The following CIZ1 variants were observed in gnomAD, a reference collection of about 807,000 sequenced individuals.
CIZ1 encodes CDKN1A interacting zinc finger protein 1.
CIZ1 carries 58 observed loss-of-function variants against 118.6 expected under a neutral mutation model. The observed-to-expected ratio is 0.49, with a 90% CI of 0.40 to 0.61. The LOEUF is 0.61. Ranked by LOEUF, CIZ1 falls within the 20% of genes least tolerant of loss-of-function variation. CIZ1 has a pLI of 0.00. For synonymous variants in CIZ1, 448 were observed against 443.4 expected, an observed-to-expected ratio of 1.01 and a Z score of -0.13; for missense variants, 921 against 1,115.9, an observed-to-expected ratio of 0.83 and a Z score of 2.49.
At chr9:128,176,102 A>C (rs1462215275) in intron 11 of CIZ1, among the ~76,000 whole-genome samples, 14 of 152,198 alleles carry the variant, frequency 9.2e-5, no homozygotes, top group Admixed American at 8.5e-4. Context: ...TCCCACAGGG[A>C]TGGTCATACT....
At chr9:128,173,992 C>G (rs967798014) in intron 11 of CIZ1, among the ~76,000 whole-genome samples, 1 of 149,124 alleles carries the variant, frequency 6.7e-6, no homozygotes, top group Non-Finnish European at 1.5e-5. Context: ...GGTGACAGAG[C>G]GAGACTCCAT....
rs986129698 is a variant in CIZ1, at chr9:128,203,480, C to T, written c.-6+706G>A. 1 of 1,511,432 alleles carries T rather than the reference C, an allele frequency of 6.6e-7. No homozygotes were observed. Among genetic ancestry groups the T allele is most frequent in the African/African-American group, 1.4e-5 (1 of 69,552 alleles). The allele number at this position is 1,511,432 out of a possible 1,614,324, so 93.6% of individuals were successfully genotyped here. On this transcript the variant is annotated intron_variant, in intron 1 of 17. Coordinates refer to the CIZ1 transcript ENST00000372948. This position sits in a 1 kb window ranked among gnomAD's most constrained non-coding sequence, Gnocchi z 5.3. ...GGGGCCCGCCGCAGCCATGGGCAAC[C>T]GCGGCATGGAAGATCTCATCCCGCT...
At chr9:128,191,931 G>A (rs1330887746), upstream of CIZ1, 2 of 1,432,766 alleles carry the variant, frequency 1.4e-6, no homozygotes, top group South Asian at 1.4e-5. This position sits in a 1 kb window ranked among gnomAD's most constrained non-coding sequence, Gnocchi z 5.5. Flanking sequence ...GCAGTTGGCG[G>A]ATGTACATTC....
At chr9:128,195,250 C>T (rs1264625823), upstream of CIZ1, among the ~76,000 whole-genome samples, 7 of 152,172 alleles carry the variant, frequency 4.6e-5, no homozygotes, top group African/African-American at 1.7e-4. Context: ...GATAAACACC[C>T]ACAATATGAT....
Position 128,166,726 on chromosome 9 carries a change from C to T in CIZ1, c.2487+33G>A. 3 of 1,613,920 alleles carry T rather than the reference C, an allele frequency of 1.9e-6. No individual in the cohort carries two copies. Among genetic ancestry groups the T allele is most frequent in the East Asian group, 2.2e-5 (1 of 44,880 alleles). Reference sequence around the variant, plus strand: ...GCTTGGATTAAGACTAAGTCTGTGGCCAGGGGAGGACAGGGCAGGATGTCC... The same window carrying T: ...GCTTGGATTAAGACTAAGTCTGTGGTCAGGGGAGGACAGGGCAGGATGTCC... On this transcript the variant is annotated intron_variant, in intron 16 of 16. Transcript: ENST00000372938. The surrounding 1 kb of genome is among the most constrained non-coding windows in gnomAD (Gnocchi z 4.4).
intron 5 of CIZ1, among the ~76,000 whole-genome samples, chr9:128,182,448 G>C (rs998559166): frequency 9.9e-5 from 15 of 152,122 alleles, no homozygotes; most frequent in Admixed American, 2.0e-4. Context: ...GCCCAGTGGG[G>C]TCCTTCTAAA....
In CIZ1 at chr9:128,187,846, TA is replaced by T; in HGVS notation, c.358+16del. ...GTATATATACATTTATATATATATATAAAAAGCATATAATACCCAGTGTTGC... is the reference window on the plus strand; with the variant it reads ...GTATATATACATTTATATATATATATAAAAGCATATAATACCCAGTGTTGC... On this transcript the variant is annotated intron_variant, in intron 4 of 16. Transcript: ENST00000372938. 1 of 655,426 alleles carries T rather than the reference TA, an allele frequency of 1.5e-6. No individual in the cohort carries two copies. The highest frequency in any genetic ancestry group is 2.8e-6 in the Non-Finnish European group (1 of 353,856). The allele number at this position is 655,426 out of a possible 1,614,324, so 40.6% of individuals were successfully genotyped here. A position where few individuals can be genotyped will look rare whatever the true frequency, so the allele number is the denominator to read the frequency against.
chr9:128,166,489 G>T lies in CIZ1; in HGVS notation c.2488-83C>A. The T allele has an allele frequency of 8.4e-7, 1 of 1,197,126 alleles. No homozygotes were observed. Among genetic ancestry groups the T allele is most frequent in the Non-Finnish European group, 1.2e-6 (1 of 858,256 alleles). 74.2% of individuals were successfully genotyped at this position (1,197,126 alleles called of 1,614,324 possible). On this transcript the variant is annotated intron_variant, in intron 16 of 16. Transcript: ENST00000372938. The surrounding 1 kb of genome is among the most constrained non-coding windows in gnomAD (Gnocchi z 4.4). Reference sequence around the variant, plus strand: ...GCCAGCAGCTACTTCCCCAGCTCTGGCTGAGACAGTATTAGTGTGCTCTGT... The same window carrying T: ...GCCAGCAGCTACTTCCCCAGCTCTGTCTGAGACAGTATTAGTGTGCTCTGT...
chr9:128,189,931 T>C (rs769461090), intron 3 of CIZ1, among the ~76,000 whole-genome samples: 4 of 148,976 alleles, frequency 2.7e-5, no homozygotes, highest in Non-Finnish European at 4.4e-5. Flanking sequence ...ACAGACTTAA[T>C]GCACAGGGCT....
Position 128,180,473 on chromosome 9 carries a change from G to A in CIZ1, c.733C>T (p.Pro245Ser), listed in dbSNP as rs755136926. The A allele has an allele frequency of 3.1e-6, 5 of 1,614,076 alleles. No individual in the cohort carries two copies. The highest frequency in any genetic ancestry group is 1.7e-5 in the Admixed American group (1 of 60,008). Residue 245 changes from proline (P) to serine (S), a missense_variant, in exon 7 of 17, where the codon CCA becomes TCA. Coordinates refer to ENST00000372938, the MANE Select transcript of CIZ1 (RefSeq NM_001131016.2). ...PEDIAKEKRTPAPEPEPCEAS... is the reference protein window; with the variant it reads ...PEDIAKEKRTSAPEPEPCEAS... ...TCACAAGGCTCAGGCTCAGGTGCTG[G>A]AGTGCGTTTTTCCTTGGCGATGTCC...
intron 1 of CIZ1, among the ~76,000 whole-genome samples, chr9:128,200,675 G>GA (rs1833491064): frequency 7.0e-6 from 1 of 143,796 alleles, no homozygotes; most frequent in South Asian, 2.2e-4. Context: ...AAAAAAGAAA[G>GA]AAATACAAAA....
At chr9:128,183,748 TTTTGTTTGTTTG>T (rs45518031) in intron 5 of CIZ1, among the ~76,000 whole-genome samples, 127 of 150,988 alleles carry the variant, frequency 8.4e-4, no homozygotes, top group African/African-American at 8.7e-4. Flanking sequence ...TTTCCTATAC[TTTTGTTTGTTTG>T]TTTGTTTGTT....
intron 11 of CIZ1, among the ~76,000 whole-genome samples, chr9:128,175,956 A>C (rs1438900850): frequency 6.6e-6 from 1 of 152,166 alleles, no homozygotes; most frequent in Non-Finnish European, 1.5e-5. Context: ...ACAGGCTCCC[A>C]TGACAATGAA....
chr9:128,189,009 G>A (rs1016206460), intron 3 of CIZ1, among the ~76,000 whole-genome samples: 2 of 152,104 alleles, frequency 1.3e-5, no homozygotes, highest in African/African-American at 4.8e-5. Flanking sequence ...ATGTTGGCCA[G>A]GATGGTCTCG....
chr9:128,171,029 G>A (rs1223580810), intron 11 of CIZ1, among the ~76,000 whole-genome samples: 1 of 152,102 alleles, frequency 6.6e-6, no homozygotes, highest in African/African-American at 2.4e-5. Flanking sequence ...CAGAAGCTGA[G>A]GTGGGAGGAT....
chr9:128,176,977 T>C (rs1830938070), intron 10 of CIZ1, among the ~76,000 whole-genome samples: 1 of 152,154 alleles, frequency 6.6e-6, no homozygotes, highest in South Asian at 2.1e-4. Flanking sequence ...TGATCTTGGC[T>C]CACTGCAACC....
chr9:128,199,090 G>C (rs144994130), intron 1 of CIZ1, among the ~76,000 whole-genome samples: 109 of 151,188 alleles, frequency 7.2e-4, no homozygotes, highest in Non-Finnish European at 1.3e-3. Flanking sequence ...TTTCTCGGCT[G>C]GGCACGGTGG....
At position 128,203,492 on chromosome 9, in the gene CIZ1, G is replaced by C. The variant is rs1444303998; in HGVS notation, c.-6+694C>G. ...AGCCATGGGCAACCGCGGCATGGAA[G>C]ATCTCATCCCGCTGGTCAACCGGCT... On this transcript the variant is annotated intron_variant, in intron 1 of 17. Coordinates refer to the CIZ1 transcript ENST00000372948. The surrounding 1 kb of genome is among the most constrained non-coding windows in gnomAD (Gnocchi z 5.3). The C allele has an allele frequency of 3.9e-6, 6 of 1,527,512 alleles. No individual in the cohort carries two copies. The highest frequency in any genetic ancestry group is 5.3e-6 in the Non-Finnish European group (6 of 1,140,584). The allele number at this position is 1,527,512 out of a possible 1,614,324, so 94.6% of individuals were successfully genotyped here. A position where few individuals can be genotyped will look rare whatever the true frequency, so the allele number is the denominator to read the frequency against.
upstream of CIZ1, chr9:128,191,868 C>T: frequency 6.8e-7 from 1 of 1,466,232 alleles, no homozygotes; most frequent in Non-Finnish European, 9.0e-7. This position sits in a 1 kb window ranked among gnomAD's most constrained non-coding sequence, Gnocchi z 5.5. Flanking sequence ...CCTGCGGCCG[C>T]CGCGGTCCTG....
Sources: allele counts gnomAD v4.1 joint callset (sites outside exome capture counted in the v4.1 genomes callset), GRCh38; gene constraint gnomAD v4.1.1; non-coding constraint Gnocchi (gnomAD v3.1); transcripts MANE v1.5; gene names NCBI Gene and HGNC (gene_info 2026-07-23, HGNC 2026-07-21).